RBMS3: variants seen among roughly 807,000 people sequenced by gnomAD.
RBMS3 encodes the protein RNA-binding motif, single-stranded-interacting protein 3.
Under a neutral mutation model 66.8 loss-of-function variants are expected in RBMS3, and 27 were observed. That is an observed-to-expected ratio of 0.40 (90% CI 0.30 to 0.56). The LOEUF is 0.56. Among genes scored for constraint, RBMS3 ranks in the 20% least tolerant of loss-of-function variants. RBMS3 has a pLI of 0.40. For synonymous variants in RBMS3, 188 were observed against 183.0 expected, an observed-to-expected ratio of 1.03 and a Z score of -0.22; for missense variants, 513 against 549.5, an observed-to-expected ratio of 0.93 and a Z score of 0.66.
In RBMS3 at chr3:29,427,643, G is replaced by A. The variant is rs748588938; in HGVS notation, c.76-7100G>A. Among the ~76,000 whole-genome samples, 3 of 152,314 alleles carry A rather than the reference G, an allele frequency of 2.0e-5. No individual in the cohort carries two copies. In the South Asian group the frequency reaches 6.2e-4, roughly 32 times the overall value. ...GTATTCATTTTTGGATAGTAAAAGA[G>A]ATGGCATGTCAGTCCCTTGGGAGAT... On this transcript the variant is annotated intron_variant, in intron 1 of 14. Transcript: ENST00000383767.
intron 3 of RBMS3, among the ~76,000 whole-genome samples, chr3:29,527,166 G>A (rs569916743): frequency 7.3e-5 from 8 of 109,360 alleles, no homozygotes; most frequent in Non-Finnish European, 1.3e-4. Flanking sequence ...TTTCAGACGT[G>A]ATTGTTAGGT....
chr3:29,716,024 G>T (rs2053378202), intron 4 of RBMS3, among the ~76,000 whole-genome samples: 1 of 152,100 alleles, frequency 6.6e-6, no homozygotes, highest in Non-Finnish European at 1.5e-5. Flanking sequence ...TCAAAGAGAT[G>T]ATGGCATAGA....
chr3:29,992,871 A>C (rs1420849606), intron 14 of RBMS3, among the ~76,000 whole-genome samples: 1 of 152,154 alleles, frequency 6.6e-6, no homozygotes, highest in East Asian at 1.9e-4. Context: ...AAACTGACTT[A>C]GCAAGATTCT....
At chr3:29,697,250 T>C (rs2052322320) in intron 4 of RBMS3, among the ~76,000 whole-genome samples, 1 of 152,232 alleles carries the variant, frequency 6.6e-6, no homozygotes, top group Non-Finnish European at 1.5e-5. Context: ...CAAATGTAGT[T>C]TTGGTAAAGA....
At chr3:29,952,299 T>G (rs1331626123) in intron 12 of RBMS3, among the ~76,000 whole-genome samples, 1 of 151,878 alleles carries the variant, frequency 6.6e-6, no homozygotes, top group Non-Finnish European at 1.5e-5. Flanking sequence ...TCATTAAATT[T>G]TATGTAAATC....
rs2039841843 is a variant in RBMS3, at chr3:29,402,198, C to T, written c.76-32545C>T. ...CTGAAAAATTAGTAAATGCTGTGGC[C>T]TTCAAATTGTAAGAGGCTCCTATGT... is the stretch of plus-strand genomic sequence containing the variant. On this transcript the variant is annotated intron_variant, in intron 1 of 14. Coordinates refer to ENST00000383767, the MANE Select transcript of RBMS3 (RefSeq NM_001003793.3). Among the ~76,000 whole-genome samples, 3 of 152,032 alleles carry T rather than the reference C, an allele frequency of 2.0e-5. No individual in the cohort carries two copies. In the South Asian group the frequency reaches 6.2e-4, roughly 32 times the overall value.
intron 12 of RBMS3, among the ~76,000 whole-genome samples, chr3:29,979,888 A>G (rs1465377374): frequency 6.6e-6 from 1 of 152,234 alleles, no homozygotes; most frequent in Non-Finnish European, 1.5e-5. Context: ...CAGTGCTGCA[A>G]TAAACATATG....
In RBMS3 at chr3:29,373,811, G is replaced by A. The variant is rs116927413; in HGVS notation, c.76-60932G>A. Among the ~76,000 whole-genome samples the A allele has an allele frequency of 1.9e-3, 288 of 152,286 alleles. 6 individuals carry two copies. The East Asian group carries it at 0.035, about 19-fold the overall frequency. Reference sequence around the variant, plus strand: ...AGTTTGAAAAGGGTTGTATAGGGGTGGGTAGTGTTCTCAGAAGTAATCAAA... The same window carrying A: ...AGTTTGAAAAGGGTTGTATAGGGGTAGGTAGTGTTCTCAGAAGTAATCAAA... On this transcript the variant is annotated intron_variant, in intron 1 of 14. Transcript: ENST00000383767.
chr3:29,436,139 C>CT (rs2041396211), intron 2 of RBMS3, among the ~76,000 whole-genome samples: 1 of 152,032 alleles, frequency 6.6e-6, no homozygotes, highest in Non-Finnish European at 1.5e-5. Flanking sequence ...TTTTGCAATG[C>CT]TTTTTAAAAA....
chr3:29,638,022 G>T (rs9856059), intron 4 of RBMS3, among the ~76,000 whole-genome samples: 11,926 of 151,830 alleles, frequency 0.079, 826 homozygotes, highest in East Asian at 0.35. Context: ...TTTGTAAAAG[G>T]ATACTATTTG....
intron 1 of RBMS3, among the ~76,000 whole-genome samples, chr3:29,359,245 T>A (rs138622752): frequency 6.6e-6 from 1 of 152,124 alleles, no homozygotes; most frequent in Non-Finnish European, 1.5e-5. Context: ...TATTGAGAGG[T>A]TTTAGCATGA....
At position 29,980,258 on chromosome 3, in the gene RBMS3, C is replaced by A. The variant is rs542354015; in HGVS notation, c.1099-7885C>A. ...TCTTTTGAGAAGTGTCTGTTCATAT[C>A]CTTCACCCACTTTTTGATAAGGTTG... On this transcript the variant is annotated intron_variant, in intron 12 of 14. Transcript: ENST00000383767. Among the ~76,000 whole-genome samples the A allele has an allele frequency of 2.6e-5, 4 of 152,110 alleles. No homozygotes were observed. The East Asian group carries it at 5.8e-4, about 22-fold the overall frequency.
intron 1 of RBMS3, among the ~76,000 whole-genome samples, chr3:29,405,688 G>A (rs2039989901): frequency 6.6e-6 from 1 of 152,086 alleles, no homozygotes; most frequent in Admixed American, 6.6e-5. Flanking sequence ...TATGGCTATT[G>A]TTAAGCTACC....
intron 3 of RBMS3, among the ~76,000 whole-genome samples, chr3:29,546,430 TCTAA>T (rs1168402283): frequency 6.6e-6 from 1 of 152,080 alleles, no homozygotes; most frequent in African/African-American, 2.4e-5. Flanking sequence ...ACTGTATGAC[TCTAA>T]CTGATGGGAT....
At chr3:29,371,701 T>C (rs557958052) in intron 1 of RBMS3, among the ~76,000 whole-genome samples, 28 of 152,300 alleles carry the variant, frequency 1.8e-4, no homozygotes, top group African/African-American at 6.7e-4. Flanking sequence ...TTTTGTTTTA[T>C]TGGTTCCAAG....
At chr3:29,298,071 T>C (rs1363648017) in intron 1 of RBMS3, among the ~76,000 whole-genome samples, 1 of 151,898 alleles carries the variant, frequency 6.6e-6, no homozygotes, top group African/African-American at 2.4e-5. Context: ...TTACCATGAT[T>C]GCCTTTACCA....
intron 8 of RBMS3, among the ~76,000 whole-genome samples, chr3:29,884,469 T>TCTCTCTACC (rs1553692501): frequency 1.5e-5 from 1 of 66,352 alleles, no homozygotes; most frequent in African/African-American, 5.2e-5. Context: ...TCTCTCTCTC[T>TCTCTCTACC]CCCCCCCCGC....
intron 5 of RBMS3, among the ~76,000 whole-genome samples, chr3:29,748,473 A>C (rs2055026191): frequency 7.9e-6 from 1 of 126,062 alleles, no homozygotes; most frequent in Admixed American, 7.7e-5. Flanking sequence ...TTGAAAGGAA[A>C]AAAGAAGCAG....
chr3:29,880,642 T>A (rs2059714629), intron 7 of RBMS3: 1 of 715,986 alleles, frequency 1.4e-6, no homozygotes, highest in African/African-American at 1.8e-5. Context: ...TATCCAAGTG[T>A]TAGTTATTGT....
Sources: allele counts gnomAD v4.1 joint callset (sites outside exome capture counted in the v4.1 genomes callset), GRCh38; gene constraint gnomAD v4.1.1; transcripts MANE v1.5; gene names NCBI Gene and HGNC (gene_info 2026-07-23, HGNC 2026-07-21).